The following STX11 variants were observed in gnomAD, a reference collection of about 807,000 sequenced individuals.
STX11 encodes the protein syntaxin-11.
STX11 carries 21 observed loss-of-function variants against 19.9 expected under a neutral mutation model. The observed-to-expected ratio is 1.06, with a 90% CI of 0.75 to 1.52. The LOEUF (loss-of-function observed/expected upper bound fraction) is 1.52, where lower values mean the gene tolerates loss of function less well. Ranked by LOEUF, STX11 falls within the 40% of genes most tolerant of loss-of-function variation. The pLI, the probability that STX11 is intolerant of heterozygous loss-of-function variation, is 0.00. For synonymous variants in STX11, 193 were observed against 174.4 expected, an observed-to-expected ratio of 1.11 and a Z score of -0.84; for missense variants, 438 against 405.9, an observed-to-expected ratio of 1.08 and a Z score of -0.68.
At chr6:144,178,026 G>A (rs1395667862) in intron 1 of STX11, among the ~76,000 whole-genome samples, 2 of 152,190 alleles carry the variant, frequency 1.3e-5, no homozygotes. Context: ...TGTTAATCCA[G>A]TTCTAAGAAT....
Position 144,154,279 on chromosome 6 carries a change from T to G in STX11, c.-6+3576T>G, listed in dbSNP as rs1441074457. Among the ~76,000 whole-genome samples the G allele has an allele frequency of 6.6e-6, 1 of 152,218 alleles. No homozygotes were observed. Among genetic ancestry groups the G allele is most frequent in the Non-Finnish European group, 1.5e-5 (1 of 68,028 alleles). ...TCCTGCCCCTAACAATTCTTCCTTA[T>G]CCAAGAATGGCCTTGATGCATAAGA... On this transcript the variant is annotated intron_variant, in intron 1 of 1. Coordinates refer to ENST00000367568, the MANE Select transcript of STX11 (RefSeq NM_003764.4). The surrounding 1 kb of genome is among the most constrained non-coding windows in gnomAD (Gnocchi z 4.7).
At position 144,174,495 on chromosome 6, in the gene STX11, G is replaced by A. The variant is rs1801725381; in HGVS notation, c.-5-12128G>A. On this transcript the variant is annotated intron_variant, in intron 1 of 1. Transcript: ENST00000367568. The surrounding 1 kb of genome is among the most constrained non-coding windows in gnomAD (Gnocchi z 5.3). ...AGCGATCTTCCAGCCTTAGCCTCCCGAGTAGCTGGGACTGCAGGTGTGCAC... is the reference window on the plus strand; with the variant it reads ...AGCGATCTTCCAGCCTTAGCCTCCCAAGTAGCTGGGACTGCAGGTGTGCAC... Among the ~76,000 whole-genome samples, 1 of 152,008 alleles carries A rather than the reference G, an allele frequency of 6.6e-6. No homozygotes were observed. Among genetic ancestry groups the A allele is most frequent in the Non-Finnish European group, 1.5e-5 (1 of 68,016 alleles).
At position 144,151,118 on chromosome 6, in the gene STX11, C is replaced by T; in HGVS notation, c.-6+415C>T. Reference sequence around the variant, plus strand: ...TAGTAGGGTGACTGTGTCAAAAACACCAGAATGGGTACTTCTTGACTTGAA... The same window carrying T: ...TAGTAGGGTGACTGTGTCAAAAACATCAGAATGGGTACTTCTTGACTTGAA... On this transcript the variant is annotated intron_variant, in intron 1 of 1. Coordinates refer to ENST00000367568, the MANE Select transcript of STX11 (RefSeq NM_003764.4). The surrounding 1 kb of genome is among the most constrained non-coding windows in gnomAD (Gnocchi z 4.6). 1 of 448,740 alleles carries T rather than the reference C, an allele frequency of 2.2e-6. No individual in the cohort carries two copies. Among genetic ancestry groups the T allele is most frequent in the Non-Finnish European group, 2.9e-6 (1 of 339,824 alleles). 27.8% of individuals were successfully genotyped at this position (448,740 alleles called of 1,614,324 possible). A position where few individuals can be genotyped will look rare whatever the true frequency, so the allele number is the denominator to read the frequency against.
In STX11 at chr6:144,177,379, A is replaced by C. The variant is rs765925571; in HGVS notation, c.-5-9244A>C. 1.3e-5 allele frequency among the ~76,000 whole-genome samples: 2 copies of C among 152,252 alleles called. No individual in the cohort carries two copies. The highest frequency in any genetic ancestry group is 2.4e-5 in the African/African-American group (1 of 41,472). On this transcript the variant is annotated intron_variant, in intron 1 of 1. Coordinates refer to ENST00000367568, the MANE Select transcript of STX11 (RefSeq NM_003764.4). This position sits in a 1 kb window ranked among gnomAD's most constrained non-coding sequence, Gnocchi z 4.4. ...GTTTGTAAATACTAATAGAGATACA[A>C]GTGGAAAAATTTGCACAGATGACTT...
At position 144,187,773 on chromosome 6, in the gene STX11, G is replaced by A. The variant is rs552052361; in HGVS notation, c.*282G>A. On this transcript the variant is annotated 3_prime_UTR_variant, in exon 2 of 2. Transcript: ENST00000367568. The surrounding 1 kb of genome is among the most constrained non-coding windows in gnomAD (Gnocchi z 5.6). ...CTCTTACCGTCTTGACAGAAGCCAA[G>A]TAAGGAACTGAAGTTGTATCTGACT... 4 of 548,044 alleles carry A rather than the reference G, an allele frequency of 7.3e-6. No individual in the cohort carries two copies. Among genetic ancestry groups the A allele is most frequent in the African/African-American group, 5.7e-5 (3 of 52,878 alleles). The allele number at this position is 548,044 out of a possible 1,614,324, so 33.9% of individuals were successfully genotyped here.
In STX11 at chr6:144,155,914, G is replaced by A. The variant is rs1801123910; in HGVS notation, c.-6+5211G>A. ...GGTAATTTTCAGTTGCCCTTCTTGAGCTAATTAAATGTGTTTTAAAATTTA... is the reference window on the plus strand; with the variant it reads ...GGTAATTTTCAGTTGCCCTTCTTGAACTAATTAAATGTGTTTTAAAATTTA... On this transcript the variant is annotated intron_variant, in intron 1 of 1. Coordinates refer to ENST00000367568, the MANE Select transcript of STX11 (RefSeq NM_003764.4). This position sits in a 1 kb window ranked among gnomAD's most constrained non-coding sequence, Gnocchi z 4.5. Among the ~76,000 whole-genome samples the A allele has an allele frequency of 6.6e-6, 1 of 151,338 alleles. No individual in the cohort carries two copies. Among genetic ancestry groups the A allele is most frequent in the Non-Finnish European group, 1.5e-5 (1 of 67,836 alleles).
At chr6:144,147,070 C>A (rs1800887806), upstream of STX11, among the ~76,000 whole-genome samples, 1 of 152,054 alleles carries the variant, frequency 6.6e-6, no homozygotes, top group Non-Finnish European at 1.5e-5. This position sits in a 1 kb window ranked among gnomAD's most constrained non-coding sequence, Gnocchi z 4.2. Context: ...GAACATTGCT[C>A]CAGCATGTAA....
intron 1 of STX11, among the ~76,000 whole-genome samples, chr6:144,181,820 T>G (rs1221726091): frequency 1.3e-5 from 2 of 152,160 alleles, no homozygotes; most frequent in East Asian, 1.9e-4. Context: ...TTGTTTTCTC[T>G]TACACAAAAC....
chr6:144,170,160 G>C lies in STX11; in HGVS notation c.-5-16463G>C, dbSNP rs1209617156. Among the ~76,000 whole-genome samples, 1 of 151,806 alleles carries C rather than the reference G, an allele frequency of 6.6e-6. No individual in the cohort carries two copies. Among genetic ancestry groups the C allele is most frequent in the East Asian group, 1.9e-4 (1 of 5,194 alleles). On this transcript the variant is annotated intron_variant, in intron 1 of 1. Coordinates refer to ENST00000367568, the MANE Select transcript of STX11 (RefSeq NM_003764.4). This position sits in a 1 kb window ranked among gnomAD's most constrained non-coding sequence, Gnocchi z 4.7. ...AACATAAACGCTTCCCCTTTTTCTT[G>C]TCACTGTTACTCATAGAAGTATCTG...
At chr6:144,147,397 CA>C (rs1800895565), upstream of STX11, among the ~76,000 whole-genome samples, 1 of 152,122 alleles carries the variant, frequency 6.6e-6, no homozygotes, top group African/African-American at 2.4e-5. This position sits in a 1 kb window ranked among gnomAD's most constrained non-coding sequence, Gnocchi z 4.2. Context: ...TTCTTTTTTA[CA>C]AAAATTTTTT....
In STX11 at chr6:144,188,829, C is replaced by A. The variant is rs886061149; in HGVS notation, c.*1338C>A. Among the ~76,000 whole-genome samples, 1 of 146,100 alleles carries A rather than the reference C, an allele frequency of 6.8e-6. No homozygotes were observed. Among genetic ancestry groups the A allele is most frequent in the African/African-American group, 2.6e-5 (1 of 39,054 alleles). ...GCAACCTCTGTCTCCCAGGTTCGAG[C>A]GATTCTCCTGACTCAGCCTCCTGAG... On this transcript the variant is annotated 3_prime_UTR_variant, in exon 2 of 2. Coordinates refer to ENST00000367568, the MANE Select transcript of STX11 (RefSeq NM_003764.4).
intron 1 of STX11, among the ~76,000 whole-genome samples, chr6:144,186,297 C>T (rs1027292106): frequency 6.8e-6 from 1 of 147,756 alleles, no homozygotes; most frequent in African/African-American, 2.5e-5. Context: ...GCACATGTAC[C>T]CTAGAACTTA....
At chr6:144,144,431 A>AGCCTTAAAG in the STX11 span, among the ~76,000 whole-genome samples, 1 of 152,214 alleles carries the variant, frequency 6.6e-6, no homozygotes, top group African/African-American at 2.4e-5. Flanking sequence ...AAGATCTTAA[A>AGCCTTAAAG]CTTAAATTTA....
At position 144,183,886 on chromosome 6, in the gene STX11, C is replaced by T. The variant is rs1009337346; in HGVS notation, c.-5-2737C>T. On this transcript the variant is annotated intron_variant, in intron 1 of 1. Coordinates refer to ENST00000367568, the MANE Select transcript of STX11 (RefSeq NM_003764.4). The surrounding 1 kb of genome is among the most constrained non-coding windows in gnomAD (Gnocchi z 4.6). ...TTTTCCCTAATGCTCTCCCCTCCCC[C>T]GCACTTCCCCGACAGGCCCCACTGT... 7.2e-5 allele frequency among the ~76,000 whole-genome samples: 11 copies of T among 152,240 alleles called. No individual in the cohort carries two copies. The highest frequency in any genetic ancestry group is 3.9e-4 in the East Asian group (2 of 5,182).
At chr6:144,164,517 A>C (rs934442989) in intron 1 of STX11, among the ~76,000 whole-genome samples, 1 of 152,208 alleles carries the variant, frequency 6.6e-6, no homozygotes, top group Non-Finnish European at 1.5e-5. Flanking sequence ...ACATATAAAA[A>C]GATATCTACT....
In STX11 at chr6:144,151,835, C is replaced by T. The variant is rs1008790558; in HGVS notation, c.-6+1132C>T. Among the ~76,000 whole-genome samples, 4 of 152,154 alleles carry T rather than the reference C, an allele frequency of 2.6e-5. No individual in the cohort carries two copies. Among genetic ancestry groups the T allele is most frequent in the Admixed American group, 2.6e-4 (4 of 15,282 alleles). ...ATGATGATTTTTGAAGCGGGTGGGTCCCAGCGGGAGCAGAGAAATTTAAAA... is the reference window on the plus strand; with the variant it reads ...ATGATGATTTTTGAAGCGGGTGGGTTCCAGCGGGAGCAGAGAAATTTAAAA... On this transcript the variant is annotated intron_variant, in intron 1 of 1. Coordinates refer to ENST00000367568, the MANE Select transcript of STX11 (RefSeq NM_003764.4). The surrounding 1 kb of genome is among the most constrained non-coding windows in gnomAD (Gnocchi z 4.6).
chr6:144,160,420 A>G lies in STX11; in HGVS notation c.-6+9717A>G, dbSNP rs1035138142. Among the ~76,000 whole-genome samples the G allele has an allele frequency of 5.9e-5, 9 of 152,138 alleles. No individual in the cohort carries two copies. Among genetic ancestry groups the G allele is most frequent in the African/African-American group, 1.7e-4 (7 of 41,398 alleles). On this transcript the variant is annotated intron_variant, in intron 1 of 1. Coordinates refer to ENST00000367568, the MANE Select transcript of STX11 (RefSeq NM_003764.4). The surrounding 1 kb of genome is among the most constrained non-coding windows in gnomAD (Gnocchi z 4.3). ...GAAGCTTTGCAGCTCTTCTGCTGCA[A>G]TTTATTTACATTTATTATATTCAAT...
At chr6:144,179,263 G>A (rs753263794) in intron 1 of STX11, among the ~76,000 whole-genome samples, 129 of 152,262 alleles carry the variant, frequency 8.5e-4, no homozygotes, top group Non-Finnish European at 1.2e-3. Context: ...ATCTCCCACC[G>A]GATCCCTCGC....
At position 144,188,919 on chromosome 6, in the gene STX11, T is replaced by G. The variant is rs990191994; in HGVS notation, c.*1428T>G. Reference sequence around the variant, plus strand: ...TTTTTTATGTTTTTAGTAAAGACGGTGTTTCACCGTGTTAGCCAGGATGGT... The same window carrying G: ...TTTTTTATGTTTTTAGTAAAGACGGGGTTTCACCGTGTTAGCCAGGATGGT... On this transcript the variant is annotated 3_prime_UTR_variant, in exon 2 of 2. Transcript: ENST00000367568. Among the ~76,000 whole-genome samples, 17 of 152,012 alleles carry G rather than the reference T, an allele frequency of 1.1e-4. No homozygotes were observed. The highest frequency in any genetic ancestry group is 1.0e-4 in the Non-Finnish European group (7 of 68,008).
Sources: allele counts gnomAD v4.1 joint callset (sites outside exome capture counted in the v4.1 genomes callset), GRCh38; gene constraint gnomAD v4.1.1; non-coding constraint Gnocchi (gnomAD v3.1); transcripts MANE v1.5; gene names NCBI Gene and HGNC (gene_info 2026-07-23, HGNC 2026-07-21).